The following RBFOX1 variants were observed in gnomAD, a reference collection of about 807,000 sequenced individuals.
RBFOX1 encodes the protein RNA binding protein fox-1 homolog 1.
RBFOX1 carries 8 observed loss-of-function variants against 57.7 expected under a neutral mutation model. The observed-to-expected ratio is 0.14, with a 90% confidence interval of 0.08 to 0.25. The LOEUF (loss-of-function observed/expected upper bound fraction) is 0.25. Ranked by LOEUF, RBFOX1 falls within the 10% of genes least tolerant of loss-of-function variation. The pLI, the probability that RBFOX1 is intolerant of heterozygous loss-of-function variation, is 1.00. For missense variants in RBFOX1, 611 were observed against 548.5 expected (o/e 1.11, Z -1.14); for synonymous variants, 326 against 222.4 (o/e 1.47, Z -4.15).
At chr16:6,711,277 C>G (rs529082404) in intron 3 of RBFOX1, among the ~76,000 whole-genome samples, 1 of 152,160 alleles carries the variant, frequency 6.6e-6, no homozygotes, top group Non-Finnish European at 1.5e-5. Flanking sequence ...CCACACGCCC[C>G]TCCCCCCATG....
intron 2 of RBFOX1, among the ~76,000 whole-genome samples, chr16:5,562,523 C>T (rs1465633770): frequency 2.0e-5 from 3 of 152,048 alleles, no homozygotes; most frequent in Middle Eastern, 3.2e-3. Flanking sequence ...CTGGGGGAGA[C>T]AGGAAGACCC....
At chr16:6,098,805 G>A (rs775182112) in intron 1 of RBFOX1, among the ~76,000 whole-genome samples, 11 of 152,110 alleles carry the variant, frequency 7.2e-5, no homozygotes, top group Non-Finnish European at 1.5e-4. Flanking sequence ...CACCCATCCC[G>A]GAAAATTCCT....
intron 4 of RBFOX1, among the ~76,000 whole-genome samples, chr16:7,489,566 A>AT (rs2066378858): frequency 6.6e-6 from 1 of 152,032 alleles, no homozygotes; most frequent in South Asian, 2.1e-4. Context: ...CCCAGGCTGG[A>AT]ATGCGGTGGT....
intron 4 of RBFOX1, among the ~76,000 whole-genome samples, chr16:7,151,700 C>A (rs938965275): frequency 6.6e-6 from 1 of 152,058 alleles, no homozygotes; most frequent in Non-Finnish European, 1.5e-5. Context: ...TTACACAACT[C>A]ACCATAATGT....
intron 4 of RBFOX1, among the ~76,000 whole-genome samples, chr16:7,349,455 C>G (rs545925646): frequency 6.6e-6 from 1 of 152,208 alleles, no homozygotes; most frequent in African/African-American, 2.4e-5. Flanking sequence ...AGTCATGGAT[C>G]GGGCTTGCCA....
chr16:6,892,611 A>G (rs895369922), intron 3 of RBFOX1, among the ~76,000 whole-genome samples: 9 of 152,186 alleles, frequency 5.9e-5, no homozygotes, highest in African/African-American at 2.2e-4. Context: ...TGGAAGTTGC[A>G]GTAAGGCAAG....
intron 2 of RBFOX1, among the ~76,000 whole-genome samples, chr16:5,516,454 C>T (rs750780353): frequency 5.9e-5 from 9 of 152,096 alleles, no homozygotes; most frequent in Non-Finnish European, 1.3e-4. Context: ...GTTACTTGAC[C>T]TCTCTAAGTC....
At chr16:5,801,355 T>C (rs2055049801) in intron 3 of RBFOX1, among the ~76,000 whole-genome samples, 1 of 151,490 alleles carries the variant, frequency 6.6e-6, no homozygotes, top group East Asian at 1.9e-4. Flanking sequence ...TTTTTTTTTT[T>C]CAATTTGAGT....
At chr16:6,492,430 T>C (rs1359460130) in intron 2 of RBFOX1, among the ~76,000 whole-genome samples, 2 of 152,078 alleles carry the variant, frequency 1.3e-5, no homozygotes, top group Non-Finnish European at 2.9e-5. Context: ...TTGCCAGGCT[T>C]GGTGGCAGGT....
At chr16:7,654,349 C>A (rs979758989) in intron 12 of RBFOX1, among the ~76,000 whole-genome samples, 8 of 152,166 alleles carry the variant, frequency 5.3e-5, no homozygotes, top group Non-Finnish European at 1.0e-4. Flanking sequence ...ACATAAAAAT[C>A]ACTGGGGTCG....
chr16:6,675,507 T>C (rs1426427766), intron 3 of RBFOX1, among the ~76,000 whole-genome samples: 2 of 152,210 alleles, frequency 1.3e-5, no homozygotes, highest in Admixed American at 1.3e-4. Flanking sequence ...TTGCATCCTG[T>C]GTTCATTGCT....
chr16:6,972,008 A>G (rs1224423946), intron 3 of RBFOX1, among the ~76,000 whole-genome samples: 1 of 152,146 alleles, frequency 6.6e-6, no homozygotes, highest in East Asian at 1.9e-4. Context: ...TTTACTGTGA[A>G]GTGATATAGA....
At chr16:7,015,807 AT>A (rs1333363974) in intron 3 of RBFOX1, among the ~76,000 whole-genome samples, 1 of 149,454 alleles carries the variant, frequency 6.7e-6, no homozygotes, top group Non-Finnish European at 1.5e-5. Flanking sequence ...ACATTTTCTG[AT>A]TTGGGTAGAA....
intron 2 of RBFOX1, among the ~76,000 whole-genome samples, chr16:5,518,146 A>C (rs2043863839): frequency 6.6e-6 from 1 of 152,232 alleles, no homozygotes; most frequent in African/African-American, 2.4e-5. Context: ...ATTAAATGCA[A>C]ACAGACCTAA....
chr16:6,384,792 A>G (rs1052773068), intron 2 of RBFOX1, among the ~76,000 whole-genome samples: 5 of 152,156 alleles, frequency 3.3e-5, no homozygotes, highest in Non-Finnish European at 5.9e-5. Flanking sequence ...CTCCGATCTG[A>G]TATAGCCACT....
intron 2 of RBFOX1, among the ~76,000 whole-genome samples, chr16:5,481,954 C>G (rs2069558851): frequency 6.6e-6 from 1 of 152,174 alleles, no homozygotes; most frequent in Non-Finnish European, 1.5e-5. Flanking sequence ...GACTCCATCA[C>G]CAAATACGGT....
chr16:7,707,435 G>A (rs1598626784), intron 14 of RBFOX1, among the ~76,000 whole-genome samples: 1 of 152,134 alleles, frequency 6.6e-6, no homozygotes, highest in Non-Finnish European at 1.5e-5. Flanking sequence ...CGTGCAAATT[G>A]GGCTCTAAGG....
intron 4 of RBFOX1, among the ~76,000 whole-genome samples, chr16:7,500,880 G>A (rs1438461206): frequency 6.6e-6 from 1 of 152,088 alleles, no homozygotes; most frequent in African/African-American, 2.4e-5. Flanking sequence ...TTGAATGATG[G>A]GGACAGTTAC....
intron 4 of RBFOX1, among the ~76,000 whole-genome samples, chr16:5,902,691 C>G (rs1279856898): frequency 2.6e-5 from 4 of 152,182 alleles, no homozygotes; most frequent in Non-Finnish European, 4.4e-5. Flanking sequence ...CCTGGGATTA[C>G]AAGCATGAGC....
Sources: gnomAD v4.1 joint callset for allele counts (sites outside exome capture counted in the v4.1 genomes callset) on GRCh38, gnomAD v4.1.1 for gene constraint, MANE v1.5 for transcripts, NCBI Gene and HGNC (gene_info 2026-07-23, HGNC 2026-07-21) for gene names.